DLG2: variants seen among roughly 807,000 people sequenced by gnomAD.
The protein encoded by DLG2 is discs large MAGUK scaffold protein 2, also known as disks large homolog 2.
A neutral mutation model predicts 132.5 loss-of-function variants in DLG2; 45 were observed. The observed-to-expected ratio is 0.34, with a 90% CI of 0.27 to 0.44. The LOEUF (loss-of-function observed/expected upper bound fraction) is 0.44, where lower values mean the gene tolerates loss of function less well. DLG2 is among the 20% of genes least tolerant of loss of function. The pLI is 1.00. For missense variants in DLG2, 1,045 were observed against 1,196.9 expected (o/e 0.87, Z 1.87); for synonymous variants, 424 against 419.6 (o/e 1.01, Z -0.13).
rs562618358 is a variant in DLG2, at chr11:84,804,716, A to G, written c.358-269985T>C. Among the ~76,000 whole-genome samples, 12 of 152,310 alleles carry G rather than the reference A, an allele frequency of 7.9e-5. No individual in the cohort carries two copies. The East Asian group carries it at 2.1e-3, about 27-fold the overall frequency. ...AAGGCAGAAAGAACATTTTTACATT[A>G]TAACTGTCCTCCTCCAGAAAAACAC... On this transcript the variant is annotated intron_variant, in intron 6 of 27. Coordinates refer to ENST00000376104, the MANE Select transcript of DLG2 (RefSeq NM_001142699.3).
At chr11:84,588,592 G>T (rs1003934558) in intron 6 of DLG2, among the ~76,000 whole-genome samples, 2 of 151,992 alleles carry the variant, frequency 1.3e-5, no homozygotes, top group Admixed American at 6.6e-5. Flanking sequence ...TTGAATACAG[G>T]CTGGCTAAAA....
chr11:85,392,132 A>G (rs1363750537), intron 3 of DLG2, among the ~76,000 whole-genome samples: 1 of 152,156 alleles, frequency 6.6e-6, no homozygotes, highest in Non-Finnish European at 1.5e-5. Context: ...TGGCTCTGCT[A>G]TACACCAACA....
At chr11:83,824,362 C>T (rs1565215651) in intron 17 of DLG2, among the ~76,000 whole-genome samples, 2 of 152,054 alleles carry the variant, frequency 1.3e-5, no homozygotes. Context: ...ATTTGTCTGT[C>T]TCCCTTCATG....
intron 4 of DLG2, among the ~76,000 whole-genome samples, chr11:85,202,397 G>A (rs1191698546): frequency 6.6e-6 from 1 of 151,976 alleles, no homozygotes; most frequent in Non-Finnish European, 1.5e-5. Flanking sequence ...AATATATAAA[G>A]TAAATACTAA....
chr11:85,525,251 A>G (rs1348628120), intron 3 of DLG2, among the ~76,000 whole-genome samples: 2 of 152,204 alleles, frequency 1.3e-5, no homozygotes, highest in African/African-American at 4.8e-5. Flanking sequence ...AAATATTTGC[A>G]ACTTAGGAGT....
intron 6 of DLG2, among the ~76,000 whole-genome samples, chr11:84,682,090 G>T (rs536319440): frequency 6.6e-6 from 1 of 151,952 alleles, no homozygotes; most frequent in Non-Finnish European, 1.5e-5. Context: ...CTACTTATCC[G>T]GCTACCCACC....
intron 7 of DLG2, among the ~76,000 whole-genome samples, chr11:84,370,305 A>G (rs1474425993): frequency 6.6e-6 from 1 of 152,130 alleles, no homozygotes; most frequent in South Asian, 2.1e-4. Context: ...AATTTGAAAT[A>G]TTATTCATTT....
At chr11:84,190,537 T>C (rs1024072608) in intron 8 of DLG2, among the ~76,000 whole-genome samples, 1 of 152,206 alleles carries the variant, frequency 6.6e-6, no homozygotes, top group Non-Finnish European at 1.5e-5. Flanking sequence ...GTAAGTCATG[T>C]TGCATACATA....
chr11:84,690,515 T>C (rs1280395820), intron 6 of DLG2, among the ~76,000 whole-genome samples: 5 of 151,774 alleles, frequency 3.3e-5, no homozygotes, highest in Admixed American at 6.6e-5. Context: ...CCTTCTCTCA[T>C]TGAAAACAAT....
intron 6 of DLG2, among the ~76,000 whole-genome samples, chr11:84,586,596 T>A (rs190284940): frequency 2.6e-5 from 4 of 152,316 alleles, no homozygotes; most frequent in African/African-American, 9.6e-5. Context: ...GCAAGTTTAA[T>A]CTATTTATAT....
At chr11:84,502,318 CTTTCTTTCTTTCTTTCTTTCTTT>C (rs2099217497) in intron 7 of DLG2, among the ~76,000 whole-genome samples, 2 of 9,200 alleles carry the variant, frequency 2.2e-4, no homozygotes, top group Non-Finnish European at 3.9e-4. Context: ...TTCTTTCTTT[CTTTCTTTCTTTCTTTCTTTCTTT>C]CTTTCTTTCT....
chr11:83,829,566 G>C (rs1423161441), intron 17 of DLG2, among the ~76,000 whole-genome samples: 5 of 152,228 alleles, frequency 3.3e-5, no homozygotes, highest in Admixed American at 3.3e-4. Flanking sequence ...TGTATGTCCA[G>C]TGCAAGTTAT....
intron 11 of DLG2, among the ~76,000 whole-genome samples, chr11:83,991,931 T>C (rs1169884817): frequency 6.6e-6 from 1 of 152,122 alleles, no homozygotes; most frequent in Non-Finnish European, 1.5e-5. Flanking sequence ...TTAGGGTCCA[T>C]TGATTGGTGC....
chr11:84,972,867 G>A (rs533582102), intron 6 of DLG2, among the ~76,000 whole-genome samples: 3 of 152,088 alleles, frequency 2.0e-5, no homozygotes, highest in Admixed American at 6.5e-5. Context: ...TTAGCAGGCA[G>A]ACTGCCTGGG....
intron 11 of DLG2, among the ~76,000 whole-genome samples, chr11:84,048,521 T>C (rs574853191): frequency 5.3e-5 from 8 of 151,752 alleles, no homozygotes; most frequent in Admixed American, 1.3e-4. Flanking sequence ...AGGAACTTGA[T>C]CCCAGGACAT....
At chr11:85,301,062 G>A (rs570754672) in intron 3 of DLG2, among the ~76,000 whole-genome samples, 61 of 152,200 alleles carry the variant, frequency 4.0e-4, no homozygotes, top group South Asian at 6.2e-4. Context: ...TTAGCTGGGT[G>A]TGGTGGTGCA....
At chr11:84,521,426 C>T (rs953924910) in intron 7 of DLG2, among the ~76,000 whole-genome samples, 1 of 152,114 alleles carries the variant, frequency 6.6e-6, no homozygotes, top group Non-Finnish European at 1.5e-5. Context: ...TAGGTGGCTG[C>T]CTTGGGAAAG....
At chr11:84,065,793 T>C (rs1309332810) in intron 10 of DLG2, among the ~76,000 whole-genome samples, 1 of 152,166 alleles carries the variant, frequency 6.6e-6, no homozygotes, top group Admixed American at 6.5e-5. Flanking sequence ...CCATTCACAA[T>C]AGCAAAGATA....
chr11:84,054,625 T>A (rs574889694), intron 11 of DLG2, among the ~76,000 whole-genome samples: 1 of 152,186 alleles, frequency 6.6e-6, no homozygotes, highest in African/African-American at 2.4e-5. Flanking sequence ...AATGAGATGA[T>A]TGATTCTATC....
Sources: gnomAD v4.1 joint callset for allele counts (sites outside exome capture counted in the v4.1 genomes callset) on GRCh38, gnomAD v4.1.1 for gene constraint, MANE v1.5 for transcripts, NCBI Gene and HGNC (gene_info 2026-07-23, HGNC 2026-07-21) for gene names.